CNBD1: variants seen among roughly 807,000 people sequenced by gnomAD.
The protein encoded by CNBD1 is cyclic nucleotide binding domain containing 1, also known as cyclic nucleotide-binding domain-containing protein 1.
A neutral mutation model predicts 54.4 loss-of-function variants in CNBD1; 71 were observed. That is an observed-to-expected ratio of 1.30 (90% CI 1.08 to 1.59). CNBD1 has a LOEUF of 1.59. Ranked by LOEUF, CNBD1 falls within the 40% of genes most tolerant of loss-of-function variation. The pLI is 0.00. For synonymous variants in CNBD1, 182 were observed against 170.7 expected, an observed-to-expected ratio of 1.07 and a Z score of -0.51; for missense variants, 659 against 518.0, an observed-to-expected ratio of 1.27 and a Z score of -2.64.
At chr8:87,068,063 G>A (rs1810689450) in intron 4 of CNBD1, among the ~76,000 whole-genome samples, 3 of 152,036 alleles carry the variant, frequency 2.0e-5, no homozygotes, top group Admixed American at 1.3e-4. Flanking sequence ...ATTCTGAGGT[G>A]TGGGCAAGTA....
chr8:86,995,171 C>T (rs975348971), intron 4 of CNBD1, among the ~76,000 whole-genome samples: 1 of 151,984 alleles, frequency 6.6e-6, no homozygotes, highest in African/African-American at 2.4e-5. Flanking sequence ...GATTTGTGGA[C>T]AATTGTAGGA....
At chr8:87,052,329 C>A (rs1329059076) in intron 4 of CNBD1, among the ~76,000 whole-genome samples, 1 of 152,164 alleles carries the variant, frequency 6.6e-6, no homozygotes, top group African/African-American at 2.4e-5. Flanking sequence ...ATATTAACTG[C>A]CCCTCAATTG....
chr8:87,286,555 A>C lies in CNBD1; in HGVS notation c.926A>C (p.Glu309Ala). The C allele has an allele frequency of 6.9e-6, 10 of 1,442,804 alleles. No individual in the cohort carries two copies. The highest frequency in any genetic ancestry group is 8.6e-6 in the Non-Finnish European group (9 of 1,051,008). 89.4% of individuals were successfully genotyped at this position (1,442,804 alleles called of 1,614,324 possible). Residue 309 changes from glutamate (E) to alanine (A), a missense_variant, in exon 8 of 11, where the codon GAA becomes GCA. Transcript: ENST00000518476. The stretch of plus-strand genomic sequence containing the variant: ...CTGTTTTAGGAAAAAATAAAACTTG[A>C]AAATATGCAAAAGTTGAAATTAATC... ...AKIKEEKIKL[E>A]NMQKLKLIRM...
intron 2 of CNBD1, among the ~76,000 whole-genome samples, chr8:86,891,604 T>C (rs527892262): frequency 6.6e-6 from 1 of 152,208 alleles, no homozygotes; most frequent in African/African-American, 2.4e-5. Context: ...TCAGAATTGT[T>C]TTTTCTATTT....
At chr8:86,967,866 T>A (rs1030256644) in intron 4 of CNBD1, among the ~76,000 whole-genome samples, 1 of 152,028 alleles carries the variant, frequency 6.6e-6, no homozygotes, top group Admixed American at 6.6e-5. Flanking sequence ...AGCTCTGTAA[T>A]TTTTTGTTGA....
intron 4 of CNBD1, among the ~76,000 whole-genome samples, chr8:87,028,653 G>A (rs1809709131): frequency 6.6e-6 from 1 of 152,200 alleles, no homozygotes; most frequent in Admixed American, 6.5e-5. Flanking sequence ...GAACTAAGGA[G>A]GGGTAAGAAA....
chr8:87,227,223 G>T (rs1487037036), intron 5 of CNBD1, among the ~76,000 whole-genome samples: 1 of 151,558 alleles, frequency 6.6e-6, no homozygotes, highest in African/African-American at 2.4e-5. Flanking sequence ...TTTAATTGGA[G>T]CATTTAGTCC....
intron 8 of CNBD1, among the ~76,000 whole-genome samples, chr8:87,330,714 T>A (rs1328764582): frequency 2.0e-5 from 3 of 152,178 alleles, no homozygotes; most frequent in African/African-American, 7.2e-5. Context: ...ATGTGGTGTA[T>A]CTTTGTGAAT....
chr8:87,428,190 C>T (rs771112767), intron 2 of CNBD1, among the ~76,000 whole-genome samples: 5 of 151,542 alleles, frequency 3.3e-5, no homozygotes, highest in Non-Finnish European at 5.9e-5. Flanking sequence ...AACAAAAAAC[C>T]CAAATATCTA....
chr8:86,960,894 A>G (rs1047484140), intron 4 of CNBD1, among the ~76,000 whole-genome samples: 2 of 152,202 alleles, frequency 1.3e-5, no homozygotes, highest in Admixed American at 1.3e-4. Context: ...GACCTCCAGC[A>G]AACTCCAACA....
intron 8 of CNBD1, among the ~76,000 whole-genome samples, chr8:87,344,990 A>G (rs978168947): frequency 2.6e-5 from 4 of 152,184 alleles, no homozygotes; most frequent in Non-Finnish European, 5.9e-5. Context: ...TCCTTTTGAC[A>G]CAAATATGAA....
chr8:87,060,257 G>A (rs897436055), intron 4 of CNBD1, among the ~76,000 whole-genome samples: 4 of 152,098 alleles, frequency 2.6e-5, no homozygotes, highest in Non-Finnish European at 4.4e-5. Flanking sequence ...TATAGGAACT[G>A]GGGCACAATA....
chr8:87,348,055 A>G (rs1471108958), intron 8 of CNBD1, among the ~76,000 whole-genome samples: 1 of 152,186 alleles, frequency 6.6e-6, no homozygotes. Context: ...AGATAAGTGT[A>G]CATTTATTTT....
chr8:87,295,382 A>G (rs773056363), intron 8 of CNBD1, among the ~76,000 whole-genome samples: 1 of 151,736 alleles, frequency 6.6e-6, no homozygotes, highest in Non-Finnish European at 1.5e-5. Flanking sequence ...ATAAATGTGA[A>G]CAGTATATTA....
chr8:87,405,111 G>A (rs1807630894), intron 2 of CNBD1, among the ~76,000 whole-genome samples: 1 of 152,020 alleles, frequency 6.6e-6, no homozygotes, highest in African/African-American at 2.4e-5. Flanking sequence ...TCTGTCGAAA[G>A]TTGTACTTGC....
rs374378962 is a variant in CNBD1 at position 87,284,731 on chromosome 8, G to T, written c.825G>T (p.Ser275=). 2.5e-6 allele frequency: 4 copies of T among 1,604,330 alleles called. No individual in the cohort carries two copies. Among genetic ancestry groups the T allele is most frequent in the East Asian group, 2.2e-5 (1 of 44,564 alleles). ...GTLEVMPQNE[S]ETQMFSVVTE... The stretch of plus-strand genomic sequence containing the variant: ...TGGAAGTTATGCCTCAGAATGAATC[G>T]GAAACACAGATGTTCTCGGTGGTGA... The change falls in exon 7 of 11, where the codon TCG becomes TCT. Residue 275 remains serine (S), a synonymous_variant. Transcript: ENST00000518476.
At chr8:87,311,690 C>T (rs146136362) in intron 8 of CNBD1, among the ~76,000 whole-genome samples, 63 of 152,196 alleles carry the variant, frequency 4.1e-4, no homozygotes, top group Non-Finnish European at 7.8e-4. Flanking sequence ...TATATGAAAT[C>T]AATGTAGTTC....
intron 2 of CNBD1, among the ~76,000 whole-genome samples, chr8:87,413,772 T>G (rs1807790164): frequency 6.6e-6 from 1 of 150,722 alleles, no homozygotes; most frequent in Admixed American, 6.6e-5. Flanking sequence ...CATGAAAAAA[T>G]GCTCATCATC....
At chr8:87,306,825 C>A (rs1190148429) in intron 8 of CNBD1, among the ~76,000 whole-genome samples, 2 of 152,042 alleles carry the variant, frequency 1.3e-5, no homozygotes, top group African/African-American at 4.8e-5. Context: ...CTGCCTGGGT[C>A]ATGGGTGCCC....
Sources: allele counts gnomAD v4.1 joint callset (sites outside exome capture counted in the v4.1 genomes callset), GRCh38; gene constraint gnomAD v4.1.1; transcripts MANE v1.5; gene names NCBI Gene and HGNC (gene_info 2026-07-23, HGNC 2026-07-21).